C1GALT1: variants seen among roughly 807,000 people sequenced by gnomAD.
C1GALT1 encodes core 1 synthase, glycoprotein-N-acetylgalactosamine 3-beta-galactosyltransferase 1.
A neutral mutation model predicts 31.0 loss-of-function variants in C1GALT1; 11 were observed. The observed-to-expected ratio is 0.36, with a 90% CI of 0.22 to 0.59. The LOEUF (loss-of-function observed/expected upper bound fraction) is 0.59. C1GALT1 is among the 20% of genes least tolerant of loss of function. C1GALT1 has a pLI of 0.79. For synonymous variants in C1GALT1, 175 were observed against 143.6 expected (o/e 1.22, Z -1.56); for missense variants, 424 against 425.2 (o/e 1.00, Z 0.03).
At chr7:7,219,892 A>G (rs1782430075) in intron 1 of C1GALT1, among the ~76,000 whole-genome samples, 1 of 152,196 alleles carries the variant, frequency 6.6e-6, no homozygotes, top group South Asian at 2.1e-4. Flanking sequence ...ATATGTTTTC[A>G]TAATAAAATG....
chr7:7,213,565 A>G (rs923028570), intron 1 of C1GALT1, among the ~76,000 whole-genome samples: 2 of 152,208 alleles, frequency 1.3e-5, no homozygotes, highest in African/African-American at 4.8e-5. Context: ...GCCAGGCATC[A>G]GGAAGGACAA....
intron 1 of C1GALT1, among the ~76,000 whole-genome samples, chr7:7,218,708 A>T (rs6960962): frequency 6.6e-6 from 1 of 152,018 alleles, no homozygotes; most frequent in Non-Finnish European, 1.5e-5. Context: ...GCTAGTGACT[A>T]TATCTTTGGC....
intron 2 of C1GALT1, among the ~76,000 whole-genome samples, chr7:7,164,391 T>C (rs182457075): frequency 4.6e-5 from 7 of 152,296 alleles, no homozygotes; most frequent in East Asian, 1.9e-4. Context: ...TCAAATTCTA[T>C]AACCTATTGA....
chr7:7,228,613 A>C (rs193186578), intron 1 of C1GALT1, among the ~76,000 whole-genome samples: 64 of 152,294 alleles, frequency 4.2e-4, no homozygotes, highest in African/African-American at 1.4e-3. Context: ...GCAGGAAAAA[A>C]AAAAATGGGA....
At chr7:7,234,058 G>C (rs548937652) in intron 1 of C1GALT1, among the ~76,000 whole-genome samples, 10 of 152,306 alleles carry the variant, frequency 6.6e-5, no homozygotes, top group Non-Finnish European at 1.5e-4. Context: ...AGGAAATTCT[G>C]TGTGCAATAC....
rs1161680248 is a variant in C1GALT1 at position 7,245,536 on chromosome 7, T to C, written c.*1809T>C. The C allele has an allele frequency of 5.3e-5, 8 of 152,240 alleles. No homozygotes were observed. Among genetic ancestry groups the C allele is most frequent in the Non-Finnish European group, 2.9e-5 (2 of 68,042 alleles). The allele number at this position is 152,240 out of a possible 1,614,324, so 9.4% of individuals were successfully genotyped here. A position where few individuals can be genotyped will look rare whatever the true frequency, so the allele number is the denominator to read the frequency against. ...AAAATCATGACCTCTTTGAATGGTA[T>C]ATTTGAGAGGATGTTCATTTCATTG... On this transcript the variant is annotated 3_prime_UTR_variant, in exon 4 of 4. Coordinates refer to ENST00000436587, the MANE Select transcript of C1GALT1 (RefSeq NM_020156.5).
chr7:7,192,138 TTC>T (rs1781101822), intron 1 of C1GALT1, among the ~76,000 whole-genome samples: 1 of 151,394 alleles, frequency 6.6e-6, no homozygotes, highest in African/African-American at 2.4e-5. Context: ...GAGTTACTTT[TTC>T]TTCTTTTTTT....
chr7:7,193,059 C>G (rs539493512), intron 1 of C1GALT1, among the ~76,000 whole-genome samples: 22 of 151,990 alleles, frequency 1.4e-4, no homozygotes, highest in African/African-American at 5.1e-4. Flanking sequence ...GATATTAGAC[C>G]TTTGTCAGAT....
intron 2 of C1GALT1, among the ~76,000 whole-genome samples, chr7:7,164,265 T>G (rs997695487): frequency 1.3e-5 from 2 of 152,244 alleles, no homozygotes; most frequent in Non-Finnish European, 2.9e-5. Context: ...GCTAGCCATA[T>G]GTAGAAAGCT....
At chr7:7,203,449 A>C (rs753707649) in intron 1 of C1GALT1, among the ~76,000 whole-genome samples, 2 of 152,116 alleles carry the variant, frequency 1.3e-5, no homozygotes, top group East Asian at 1.9e-4. Flanking sequence ...TGAGAGGACC[A>C]TGTAGGGTTT....
At chr7:7,196,104 T>A (rs530037061) in intron 1 of C1GALT1, among the ~76,000 whole-genome samples, 41 of 152,210 alleles carry the variant, frequency 2.7e-4, no homozygotes, top group Non-Finnish European at 5.0e-4. Context: ...AGGGTACATG[T>A]GCACAACGTG....
At chr7:7,170,481 T>C (rs1780441432) in intron 2 of C1GALT1, among the ~76,000 whole-genome samples, 1 of 152,226 alleles carries the variant, frequency 6.6e-6, no homozygotes, top group Non-Finnish European at 1.5e-5. Context: ...TTAGTTTTCA[T>C]TATTAAACAT....
At chr7:7,237,079 T>C (rs1485545965) in intron 2 of C1GALT1, among the ~76,000 whole-genome samples, 1 of 152,240 alleles carries the variant, frequency 6.6e-6, no homozygotes, top group Non-Finnish European at 1.5e-5. Flanking sequence ...GCAGAAACTT[T>C]TATTGTAATT....
At chr7:7,183,885 A>T (rs1780701150) in intron 1 of C1GALT1, among the ~76,000 whole-genome samples, 1 of 152,228 alleles carries the variant, frequency 6.6e-6, no homozygotes, top group African/African-American at 2.4e-5. Flanking sequence ...TTAGAACCAT[A>T]ATGAATCAAT....
chr7:7,227,756 G>A (rs1487436588), intron 1 of C1GALT1, among the ~76,000 whole-genome samples: 6 of 150,884 alleles, frequency 4.0e-5, no homozygotes, highest in African/African-American at 1.5e-4. Context: ...ACAAACCTAA[G>A]CTAACACGTT....
chr7:7,228,907 C>G (rs1782931030), intron 1 of C1GALT1, among the ~76,000 whole-genome samples: 1 of 152,222 alleles, frequency 6.6e-6, no homozygotes, highest in African/African-American at 2.4e-5. Context: ...ACTTCAGTAG[C>G]TTTCCACAAA....
At chr7:7,207,317 G>A (rs956988375) in intron 1 of C1GALT1, among the ~76,000 whole-genome samples, 2 of 73,826 alleles carry the variant, frequency 2.7e-5, no homozygotes, top group African/African-American at 9.0e-5. Context: ...CATTCTCTGT[G>A]TTTCTCTTAC....
At chr7:7,211,329 G>A (rs1781994216) in intron 1 of C1GALT1, among the ~76,000 whole-genome samples, 1 of 152,116 alleles carries the variant, frequency 6.6e-6, no homozygotes, top group Admixed American at 6.5e-5. Flanking sequence ...TTTTCCCTGA[G>A]CCTGTCAATA....
intron 2 of C1GALT1, among the ~76,000 whole-genome samples, chr7:7,169,746 T>C (rs1463413405): frequency 1.3e-5 from 2 of 152,194 alleles, no homozygotes; most frequent in East Asian, 1.9e-4. Flanking sequence ...AAGTATGTTG[T>C]TGGATTCAGT....
Sources: allele counts gnomAD v4.1 joint callset (sites outside exome capture counted in the v4.1 genomes callset), GRCh38; gene constraint gnomAD v4.1.1; transcripts MANE v1.5; gene names NCBI Gene and HGNC (gene_info 2026-07-23, HGNC 2026-07-21).